CCDC88A: variants seen among roughly 807,000 people sequenced by gnomAD.
The protein encoded by CCDC88A is girdin.
CCDC88A carries 54 observed loss-of-function variants against 234.3 expected under a neutral mutation model. The observed-to-expected ratio is 0.23, with a 90% confidence interval of 0.19 to 0.29. The LOEUF (loss-of-function observed/expected upper bound fraction) is 0.29. CCDC88A is among the 10% of genes least tolerant of loss of function. The pLI is 1.00. For missense variants in CCDC88A, 1,832 were observed against 2,123.4 expected, an observed-to-expected ratio of 0.86 and a Z score of 2.70; for synonymous variants, 753 against 737.8, an observed-to-expected ratio of 1.02 and a Z score of -0.33.
chr2:55,415,302 C>A (rs1198825875), intron 2 of CCDC88A, among the ~76,000 whole-genome samples: 2 of 152,050 alleles, frequency 1.3e-5, no homozygotes, highest in African/African-American at 4.8e-5. Flanking sequence ...TAGCCAGACC[C>A]CATCTTGAAA....
chr2:55,303,275 A>T (rs762520290), intron 25 of CCDC88A, 123 bp from the exon 26 acceptor site: 8 of 685,424 alleles, frequency 1.2e-5, no homozygotes, highest in Admixed American at 2.1e-5. Flanking sequence ...TTAGCTATGT[A>T]TGCTATATTA....
intron 22 of CCDC88A, 129 bp downstream of exon 22, chr2:55,315,799 A>C: frequency 2.1e-6 from 1 of 479,528 alleles, no homozygotes. Flanking sequence ...CAGTGATCCT[A>C]GACCAAATTC....
Position 55,374,862 on chromosome 2 carries a change from T to A in CCDC88A, c.295A>T (p.Met99Leu), listed in dbSNP as rs1220196330. ...YYQETLQQLIMMSLPNVLIIG... is the reference protein window; with the variant it reads ...YYQETLQQLILMSLPNVLIIG... ...ATTAAGACATTTGGCAACGACATCA[T>A]GATCAATTGCTGCAAAGTCTCCTGT... The change falls in exon 4 of 33, where the codon ATG becomes TTG. Residue 99 changes from methionine (M) to leucine (L), a missense_variant. By Grantham distance (15) the Met-to-Leu change is conservative (BLOSUM62 2). Transcript: ENST00000436346. The A allele has an allele frequency of 1.2e-6, 2 of 1,608,046 alleles. No homozygotes were observed. Among genetic ancestry groups the A allele is most frequent in the Non-Finnish European group, 8.5e-7 (1 of 1,175,466 alleles).
At chr2:55,360,861 G>A (rs1408965864) in intron 7 of CCDC88A, among the ~76,000 whole-genome samples, 6 of 152,170 alleles carry the variant, frequency 3.9e-5, no homozygotes, top group Admixed American at 2.6e-4. Context: ...ACCGAGGAGG[G>A]AAGATTACCT....
At chr2:55,399,551 C>T (rs1318965829) in intron 2 of CCDC88A, 1 of 149,532 alleles carries the variant, frequency 6.7e-6, no homozygotes, top group African/African-American at 2.5e-5. Flanking sequence ...AAAAGTGGCA[C>T]TCCAGAGAAC....
chr2:55,419,138 T>C lies in CCDC88A; in HGVS notation c.-59A>G. ...CACAAAAATACGCCTAGGGAATTGGTCACTAAACGTGGAAGTAAGTAGAAA... is the reference window on the plus strand; with the variant it reads ...CACAAAAATACGCCTAGGGAATTGGCCACTAAACGTGGAAGTAAGTAGAAA... On this transcript the variant is annotated 5_prime_UTR_variant, in exon 1 of 33. Transcript: ENST00000436346. 2.0e-6 allele frequency: 2 copies of C among 1,001,120 alleles called. No individual in the cohort carries two copies. The highest frequency in any genetic ancestry group is 1.6e-6 in the Non-Finnish European group (1 of 636,160). 62.0% of individuals were successfully genotyped at this position (1,001,120 alleles called of 1,614,324 possible).
At chr2:55,391,795 C>T (rs1676703517) in intron 2 of CCDC88A, among the ~76,000 whole-genome samples, 1 of 152,174 alleles carries the variant, frequency 6.6e-6, no homozygotes, top group Non-Finnish European at 1.5e-5. Context: ...ATATTAAACA[C>T]ATATTACTAC....
Position 55,332,984 on chromosome 2 carries a change from C to G in CCDC88A, c.2728-291G>C, listed in dbSNP as rs1052076015. 6.6e-6 allele frequency among the ~76,000 whole-genome samples: 1 copy of G among 152,230 alleles called. No homozygotes were observed. Among genetic ancestry groups the G allele is most frequent in the East Asian group, 1.9e-4 (1 of 5,180 alleles). The stretch of plus-strand genomic sequence containing the variant: ...AACTGGGGAAAATCATATCCATTTA[C>G]TTTTTAATAATGAGCCTGAACTTTA... On this transcript the variant is annotated intron_variant, in intron 15 of 32. Coordinates refer to ENST00000436346, the MANE Select transcript of CCDC88A (RefSeq NM_001365480.1). The surrounding 1 kb of genome is among the most constrained non-coding windows in gnomAD (Gnocchi z 4.5).
chr2:55,372,637 A>T (rs890329150), intron 4 of CCDC88A, 127 bp from the exon 5 acceptor site: 1 of 506,280 alleles, frequency 2.0e-6, no homozygotes, highest in Admixed American at 3.7e-5. Flanking sequence ...AAGCATATGT[A>T]GTGGAGCATT....
At chr2:55,359,733 A>C (rs970758514) in intron 7 of CCDC88A, among the ~76,000 whole-genome samples, 1 of 151,742 alleles carries the variant, frequency 6.6e-6, no homozygotes, top group African/African-American at 2.4e-5. Context: ...AGACTATAAC[A>C]ATCTTTGGTT....
At chr2:55,323,554 T>A (rs575495713) in intron 17 of CCDC88A, 1 of 152,292 alleles carries the variant, frequency 6.6e-6, no homozygotes, top group African/African-American at 2.4e-5. Context: ...TTTGTTTTGT[T>A]TTTACTTTTA....
intron 17 of CCDC88A, chr2:55,324,125 AC>A (rs369838555): frequency 1.4e-3 from 205 of 151,570 alleles, no homozygotes; most frequent in African/African-American, 4.7e-3. Context: ...AATCACTGTA[AC>A]AAAGTAATTT....
At chr2:55,374,155 C>T (rs568000657) in intron 4 of CCDC88A, among the ~76,000 whole-genome samples, 2 of 152,182 alleles carry the variant, frequency 1.3e-5, no homozygotes, top group Non-Finnish European at 2.9e-5. Context: ...GGGCAGATCA[C>T]CTGAGGTCAG....
intron 7 of CCDC88A, among the ~76,000 whole-genome samples, chr2:55,360,421 C>G (rs1287419877): frequency 6.6e-6 from 1 of 152,142 alleles, no homozygotes; most frequent in African/African-American, 2.4e-5. Context: ...ATGACCTTTT[C>G]AAGTTAGTCT....
Position 55,317,566 on chromosome 2 carries a change from G to A in CCDC88A, c.3600C>T (p.Asp1200=). ...TACAACAAAATATAATAAATTACCG[G>A]TCTTCAAGGTCTCTATGTTCCACCT... ...NLEVEHRDLE[D]RYNQLLKQKG... The change falls in exon 20 of 33, where the codon GAC becomes GAT. Residue 1200 remains aspartate, a splice_region_variant and synonymous_variant. Coordinates refer to ENST00000436346, the MANE Select transcript of CCDC88A (RefSeq NM_001365480.1). This position sits in a 1 kb window ranked among gnomAD's most constrained non-coding sequence, Gnocchi z 4.2. The A allele has an allele frequency of 6.5e-7, 1 of 1,544,540 alleles. No individual in the cohort carries two copies. Among genetic ancestry groups the A allele is most frequent in the African/African-American group, 1.4e-5 (1 of 72,680 alleles).
chr2:55,360,814 G>A (rs1236360200), intron 7 of CCDC88A, among the ~76,000 whole-genome samples: 1 of 152,162 alleles, frequency 6.6e-6, no homozygotes, highest in Non-Finnish European at 1.5e-5. Flanking sequence ...TAGGTTGGGT[G>A]CAGTGGCTCA....
At chr2:55,354,085 CA>C (rs1670245517) in intron 8 of CCDC88A, among the ~76,000 whole-genome samples, 2 of 151,594 alleles carry the variant, frequency 1.3e-5, no homozygotes, top group South Asian at 4.2e-4. Context: ...TGTTTTTAAA[CA>C]TATCTAAACA....
At chr2:55,401,311 G>A (rs188988636) in intron 2 of CCDC88A, among the ~76,000 whole-genome samples, 47 of 150,512 alleles carry the variant, frequency 3.1e-4, no homozygotes, top group African/African-American at 1.0e-3. Flanking sequence ...GTGTGTGCCT[G>A]CAGTCCTAGC....
chr2:55,366,767 A>G (rs1672033915), intron 5 of CCDC88A, among the ~76,000 whole-genome samples: 2 of 152,300 alleles, frequency 1.3e-5, no homozygotes, highest in East Asian at 3.9e-4. Context: ...GAAAGAAGAC[A>G]GGTTTATATG....
Sources: gnomAD v4.1 joint callset for allele counts (sites outside exome capture counted in the v4.1 genomes callset) on GRCh38, gnomAD v4.1.1 for gene constraint, Gnocchi (gnomAD v3.1) non-coding constraint, MANE v1.5 for transcripts, NCBI Gene and HGNC (gene_info 2026-07-23, HGNC 2026-07-21) for gene names.